Variants in TOGARAM2 observed in about 807,000 individuals in gnomAD.
TOGARAM2 encodes TOG array regulator of axonemal microtubules protein 2.
A neutral mutation model predicts 93.3 loss-of-function variants in TOGARAM2; 85 were observed. The observed-to-expected ratio is 0.91, with a 90% confidence interval of 0.76 to 1.09. The LOEUF (loss-of-function observed/expected upper bound fraction) is 1.09, where lower values mean the gene tolerates loss of function less well. Ranked by LOEUF, TOGARAM2 falls within the 50% of genes least tolerant of loss-of-function variation. TOGARAM2 has a pLI of 0.00. For missense variants in TOGARAM2, 1,277 were observed against 1,334.5 expected (o/e 0.96, Z 0.67); for synonymous variants, 593 against 552.8 (o/e 1.07, Z -1.02).
intron 9 of TOGARAM2, 147 bp downstream of exon 9, chr2:29,017,451 G>T: frequency 1.2e-6 from 1 of 865,400 alleles, no homozygotes; most frequent in South Asian, 2.7e-5. Context: ...CTGTGGCCCA[G>T]GCTAAAGGGC....
intron 18 of TOGARAM2, among the ~76,000 whole-genome samples, chr2:29,038,575 C>T (rs1422068603): frequency 6.6e-6 from 1 of 152,176 alleles, no homozygotes; most frequent in African/African-American, 2.4e-5. Context: ...TCCTAAGTAG[C>T]TGGGATTACA....
In TOGARAM2 at chr2:29,002,712, C is replaced by G; in HGVS notation, c.604C>G (p.Pro202Ala). Reference protein sequence around the residue: ...EKGLDLPGSIPGPHELRPGAQ... With the variant: ...EKGLDLPGSIAGPHELRPGAQ... ...GGGCCTGGACCTACCGGGGAGCATT[C>G]CGGGTCCTCACGAGTTGAGACCCGG... The change falls in exon 5 of 20, where the codon CCG becomes GCG. Residue 202 changes from proline to alanine, a missense_variant. Coordinates refer to ENST00000379558, the MANE Select transcript of TOGARAM2 (RefSeq NM_199280.4). 1 of 1,613,902 alleles carries G rather than the reference C, an allele frequency of 6.2e-7. No homozygotes were observed. The highest frequency in any genetic ancestry group is 8.5e-7 in the Non-Finnish European group (1 of 1,179,854).
At chr2:29,002,390 G>C (rs891086545) in intron 4 of TOGARAM2, 146 bp from the exon 5 acceptor site, 17 of 676,192 alleles carry the variant, frequency 2.5e-5, no homozygotes, top group African/African-American at 7.3e-5. Context: ...CAGTCTACCA[G>C]TGGTGGGGTT....
chr2:29,004,702 G>T (rs941068156), intron 6 of TOGARAM2, among the ~76,000 whole-genome samples: 2 of 151,574 alleles, frequency 1.3e-5, no homozygotes, highest in African/African-American at 4.9e-5. Flanking sequence ...GTACAAGAGT[G>T]TGTGTGTCTG....
At chr2:29,013,523 C>T (rs1664376608) in intron 7 of TOGARAM2, among the ~76,000 whole-genome samples, 1 of 152,146 alleles carries the variant, frequency 6.6e-6, no homozygotes, top group Non-Finnish European at 1.5e-5. Context: ...CAGTCTGTGA[C>T]CAAAAGTCCG....
At chr2:29,032,682 T>C (rs1373989741) in intron 14 of TOGARAM2, 1 of 427,766 alleles carries the variant, frequency 2.3e-6, no homozygotes, top group Non-Finnish European at 4.2e-6. Flanking sequence ...TGATATCAAC[T>C]AGAAAGTAAA....
chr2:28,980,160 T>G (rs2148231827), upstream of TOGARAM2, among the ~76,000 whole-genome samples: 1 of 152,334 alleles, frequency 6.6e-6, no homozygotes, highest in South Asian at 2.1e-4. Context: ...CCTTGTCAGC[T>G]GTGACCTCTG....
intron 1 of TOGARAM2, among the ~76,000 whole-genome samples, chr2:28,957,029 G>A (rs1376163287): frequency 1.3e-5 from 2 of 151,902 alleles, no homozygotes; most frequent in Admixed American, 6.6e-5. Flanking sequence ...GCTTGAATCC[G>A]GGAGGCGGAG....
At chr2:28,964,821 A>G (rs1396819088) in intron 1 of TOGARAM2, among the ~76,000 whole-genome samples, 4 of 152,076 alleles carry the variant, frequency 2.6e-5, no homozygotes, top group Non-Finnish European at 4.4e-5. Context: ...ACATTATCTC[A>G]TTCCTTTTTA....
At chr2:28,985,689 T>C (rs1228747337) in intron 1 of TOGARAM2, among the ~76,000 whole-genome samples, 2 of 152,232 alleles carry the variant, frequency 1.3e-5, no homozygotes, top group Non-Finnish European at 2.9e-5. Flanking sequence ...CCCACTCATA[T>C]GGTTCCTTTG....
chr2:28,991,029 TGTGTGTGTGTG>T (rs1381334879), intron 1 of TOGARAM2, among the ~76,000 whole-genome samples: 118 of 148,244 alleles, frequency 8.0e-4, no homozygotes, highest in African/African-American at 2.8e-3. Context: ...TGTGTGTGTG[TGTGTGTGTGTG>T]GCTTTTCCCC....
At chr2:29,020,357 G>A (rs553410380) in intron 10 of TOGARAM2, among the ~76,000 whole-genome samples, 26 of 152,330 alleles carry the variant, frequency 1.7e-4, no homozygotes, top group African/African-American at 5.8e-4. Flanking sequence ...GAGGACAAGC[G>A]GGACCTTTGA....
At position 29,026,450 on chromosome 2, in the gene TOGARAM2, G is replaced by A. The variant is rs150322804; in HGVS notation, c.1854-403G>A. On this transcript the variant is annotated intron_variant, in intron 13 of 19. Transcript: ENST00000379558. ...AAGACAGCGCTACCTTGGGCAGTGG[G>A]TGGGATGTCTAATTCTGCCTGTGGG... Among the ~76,000 whole-genome samples the A allele has an allele frequency of 9.9e-3, 1,507 of 152,264 alleles. 75 individuals are homozygous for A. Among genetic ancestry groups the A allele is most frequent in the Admixed American group, 0.091 (1,399 of 15,296 alleles).
In TOGARAM2 at chr2:29,026,994, C is replaced by T; in HGVS notation, c.1995C>T (p.Asp665=). The part of the protein sequence containing the change: ...LVHNLVRLAQ[D]SNQDTRFYGR... ...ACAACCTGGTGAGGCTGGCACAGGA[C>T]TCCAACCAGGACACCAGGTAGGGCA... is the stretch of plus-strand genomic sequence containing the variant. Residue 665 remains aspartate (D), a synonymous_variant, in exon 14 of 20, where the codon GAC becomes GAT. Transcript: ENST00000379558. 1 of 1,562,770 alleles carries T rather than the reference C, an allele frequency of 6.4e-7. No homozygotes were observed. The highest frequency in any genetic ancestry group is 8.7e-7 in the Non-Finnish European group (1 of 1,153,454).
In TOGARAM2 at chr2:28,981,468, A is replaced by G. The variant is rs1018795032; in HGVS notation, c.-181A>G. The G allele has an allele frequency of 6.6e-5, 10 of 152,404 alleles. No individual in the cohort carries two copies. Among genetic ancestry groups the G allele is most frequent in the Admixed American group, 5.9e-4 (9 of 15,288 alleles). The allele number at this position is 152,404 out of a possible 1,614,324, so 9.4% of individuals were successfully genotyped here. A position where few individuals can be genotyped will look rare whatever the true frequency, so the allele number is the denominator to read the frequency against. On this transcript the variant is annotated 5_prime_UTR_variant, in exon 1 of 20. Coordinates refer to ENST00000379558, the MANE Select transcript of TOGARAM2 (RefSeq NM_199280.4). ...TCCTTGCCTCCCTGGGCCCATGAGC[A>G]TCAACGTCTCTATAGAGACCAAGGA...
At chr2:29,050,480 T>G (rs1330962747) in intron 19 of TOGARAM2, 1 of 152,008 alleles carries the variant, frequency 6.6e-6, no homozygotes, top group African/African-American at 2.4e-5. Context: ...GATTAGGCCT[T>G]TGTCCTCTGC....
At chr2:29,027,054 C>A (rs1193675422) in intron 14 of TOGARAM2, 43 bp downstream of exon 14, 2 of 1,507,814 alleles carry the variant, frequency 1.3e-6, no homozygotes, top group Admixed American at 2.2e-5. Context: ...AGGCAACCAA[C>A]CAGCCAGCCC....
At chr2:29,006,678 A>G (rs180792200) in intron 6 of TOGARAM2, among the ~76,000 whole-genome samples, 4 of 152,008 alleles carry the variant, frequency 2.6e-5, no homozygotes, top group Non-Finnish European at 5.9e-5. Flanking sequence ...ACACATATTC[A>G]TGTCTTTCTC....
chr2:28,992,283 C>T (rs1041437534), intron 1 of TOGARAM2, among the ~76,000 whole-genome samples: 7 of 152,132 alleles, frequency 4.6e-5, no homozygotes, highest in African/African-American at 1.7e-4. Flanking sequence ...GCTTGTTTGT[C>T]CATAGCAGCT....
Sources: gnomAD v4.1 joint callset for allele counts (sites outside exome capture counted in the v4.1 genomes callset) on GRCh38, gnomAD v4.1.1 for gene constraint, MANE v1.5 for transcripts, NCBI Gene and HGNC (gene_info 2026-07-23, HGNC 2026-07-21) for gene names.